CLMN: variants seen among roughly 807,000 people sequenced by gnomAD.
CLMN encodes the protein calmin (calponin-like, transmembrane).
In CLMN, 57 loss-of-function variants were observed where a neutral mutation model predicts 92.7. That is an observed-to-expected ratio of 0.61 (90% CI 0.50 to 0.77). CLMN has a LOEUF of 0.77. Ranked by LOEUF, CLMN falls within the 30% of genes least tolerant of loss-of-function variation. CLMN has a pLI of 0.00. For missense variants in CLMN, 1,158 were observed against 1,237.5 expected, an observed-to-expected ratio of 0.94 and a Z score of 0.96; for synonymous variants, 466 against 470.6, an observed-to-expected ratio of 0.99 and a Z score of 0.13.
At chr14:95,245,761 T>C (rs1898537579) in intron 1 of CLMN, among the ~76,000 whole-genome samples, 1 of 150,460 alleles carries the variant, frequency 6.6e-6, no homozygotes, top group Non-Finnish European at 1.5e-5. Context: ...GATGGATGAA[T>C]GAATGAATGG....
At chr14:95,221,622 G>T in intron 4 of CLMN, 69 bp downstream of exon 4, 1 of 1,396,408 alleles carries the variant, frequency 7.2e-7, no homozygotes, top group Non-Finnish European at 1.0e-6. Flanking sequence ...GACCAGCACT[G>T]AACTTCAAAT....
chr14:95,292,428 T>TCC (rs1263766978), intron 1 of CLMN, among the ~76,000 whole-genome samples: 6 of 74,054 alleles, frequency 8.1e-5, no homozygotes, highest in African/African-American at 1.0e-4. Context: ...CCCCCAAGGG[T>TCC]CCCCCACCCC....
chr14:95,219,681 C>T (rs561168680), intron 4 of CLMN, among the ~76,000 whole-genome samples: 4 of 152,310 alleles, frequency 2.6e-5, no homozygotes, highest in East Asian at 1.9e-4. Flanking sequence ...AACAGTCCTC[C>T]GTACTCCAGG....
At chr14:95,216,478 G>C (rs1266002219) in intron 4 of CLMN, among the ~76,000 whole-genome samples, 1 of 152,158 alleles carries the variant, frequency 6.6e-6, no homozygotes, top group Non-Finnish European at 1.5e-5. Flanking sequence ...AGCTGGTAAG[G>C]CTTCAGTCAT....
intron 1 of CLMN, among the ~76,000 whole-genome samples, chr14:95,236,973 G>T (rs1320116788): frequency 6.6e-6 from 1 of 152,200 alleles, no homozygotes; most frequent in East Asian, 1.9e-4. Context: ...AGGAAGAACA[G>T]CTATGACGAG....
At chr14:95,213,095 G>A (rs1235750882) in intron 6 of CLMN, 124 bp downstream of exon 6, 1 of 1,089,548 alleles carries the variant, frequency 9.2e-7, no homozygotes, top group African/African-American at 1.6e-5. Context: ...CCCCTGTTCT[G>A]ATATTCTATA....
Position 95,193,434 on chromosome 14 carries a change from A to G in CLMN, c.2840+415T>C, listed in dbSNP as rs1896610630. 24 of 1,470,160 alleles carry G rather than the reference A, an allele frequency of 1.6e-5. No individual in the cohort carries two copies. In the South Asian group the frequency reaches 2.9e-4, roughly 18 times the overall value. The allele number at this position is 1,470,160 out of a possible 1,614,324, so 91.1% of individuals were successfully genotyped here. ...ACTGTACCTGCAGTGGCAACAGAGA[A>G]TGGACAGGCGTCAGGGGCTACAGCA... On this transcript the variant is annotated intron_variant, in intron 12 of 12. Transcript: ENST00000298912.
At chr14:95,258,045 G>C (rs952972010) in intron 1 of CLMN, among the ~76,000 whole-genome samples, 3 of 151,906 alleles carry the variant, frequency 2.0e-5, no homozygotes, top group African/African-American at 7.3e-5. Flanking sequence ...GTGCGAGTGT[G>C]CAGAATAGGT....
intron 1 of CLMN, among the ~76,000 whole-genome samples, chr14:95,274,109 T>C (rs567998191): frequency 1.6e-4 from 25 of 152,320 alleles, no homozygotes; most frequent in African/African-American, 6.0e-4. Context: ...GATTTCTATA[T>C]TTCTCAGCTA....
At chr14:95,310,940 G>GCCC (rs1901509751) in intron 1 of CLMN, among the ~76,000 whole-genome samples, 1 of 152,248 alleles carries the variant, frequency 6.6e-6, no homozygotes, top group Admixed American at 6.5e-5. Flanking sequence ...GGGGCAAAGA[G>GCCC]CCCTGGTGGA....
At chr14:95,235,018 C>G (rs1330428668) in intron 1 of CLMN, among the ~76,000 whole-genome samples, 1 of 152,128 alleles carries the variant, frequency 6.6e-6, no homozygotes, top group Admixed American at 6.5e-5. Context: ...AAATTATAAG[C>G]TCATTGTAAA....
intron 1 of CLMN, among the ~76,000 whole-genome samples, chr14:95,316,989 T>TACATTG (rs965514217): frequency 6.6e-6 from 1 of 152,228 alleles, no homozygotes; most frequent in African/African-American, 2.4e-5. Context: ...ATCTGTGCTG[T>TACATTG]AAGCAGGCAC....
chr14:95,301,540 G>A (rs969936074), intron 1 of CLMN, among the ~76,000 whole-genome samples: 2 of 152,344 alleles, frequency 1.3e-5, no homozygotes, highest in African/African-American at 2.4e-5. Flanking sequence ...TCCACAGGGT[G>A]AAATGGCTGC....
intron 1 of CLMN, among the ~76,000 whole-genome samples, chr14:95,269,880 C>T (rs910603569): frequency 6.6e-6 from 1 of 152,212 alleles, no homozygotes; most frequent in Non-Finnish European, 1.5e-5. Flanking sequence ...TCCTCCCCCA[C>T]CCCAATCCAC....
chr14:95,241,183 C>T lies in CLMN; in HGVS notation c.83-11050G>A, dbSNP rs534982239. Among the ~76,000 whole-genome samples the T allele has an allele frequency of 6.6e-5, 10 of 151,992 alleles. No homozygotes were observed. The South Asian group carries it at 1.9e-3, about 28-fold the overall frequency. On this transcript the variant is annotated intron_variant, in intron 1 of 12. Transcript: ENST00000298912. ...ACCCCACACTCACCCTGTAAACATCCGTGTTTTTAAGTGCATGGAAAGGCC... is the reference window on the plus strand; with the variant it reads ...ACCCCACACTCACCCTGTAAACATCTGTGTTTTTAAGTGCATGGAAAGGCC...
In CLMN at chr14:95,251,425, C is replaced by T. The variant is rs76302299; in HGVS notation, c.83-21292G>A. Reference sequence around the variant, plus strand: ...AAAACACATTTGTTCCCTACTTGTCCGATTCTGAATGTCTTCGATTGTATA... The same window carrying T: ...AAAACACATTTGTTCCCTACTTGTCTGATTCTGAATGTCTTCGATTGTATA... On this transcript the variant is annotated intron_variant, in intron 1 of 12. Transcript: ENST00000298912. 4.9e-4 allele frequency among the ~76,000 whole-genome samples: 75 copies of T among 152,258 alleles called. No individual in the cohort carries two copies. The East Asian group carries it at 0.01, about 21-fold the overall frequency.
At chr14:95,309,754 C>A (rs1341085380) in intron 1 of CLMN, among the ~76,000 whole-genome samples, 1 of 152,004 alleles carries the variant, frequency 6.6e-6, no homozygotes, top group Non-Finnish European at 1.5e-5. Flanking sequence ...GAGAAACCTA[C>A]AGGGCAGTCC....
At position 95,204,551 on chromosome 14, in the gene CLMN, A is replaced by G. The variant is rs1295558540; in HGVS notation, c.886-88T>C. 4.9e-6 allele frequency: 6 copies of G among 1,230,462 alleles called. No homozygotes were observed. In the African/African-American group the frequency reaches 7.6e-5, roughly 16 times the overall value. The allele number at this position is 1,230,462 out of a possible 1,614,324, so 76.2% of individuals were successfully genotyped here. A position where few individuals can be genotyped will look rare whatever the true frequency, so the allele number is the denominator to read the frequency against. ...ACAGAGCAACATGAGTAAGAAGAAT[A>G]TTTAAGTACAACCCATATCCACCTT... On this transcript the variant is annotated intron_variant, in intron 8 of 12. Coordinates refer to ENST00000298912, the MANE Select transcript of CLMN (RefSeq NM_024734.4).
chr14:95,203,964 T>G lies in CLMN; in HGVS notation c.1385A>C (p.His462Pro). ...VAKESLRQDG[H>P]VLAVEVAEEK... Reference sequence around the variant, plus strand: ...CTCAGCAACCTCAACTGCCAAGACATGTCCATCCTGCCTCAATGATTCCTT... The same window carrying G: ...CTCAGCAACCTCAACTGCCAAGACAGGTCCATCCTGCCTCAATGATTCCTT... Residue 462 changes from histidine to proline, a missense_variant, in exon 9 of 13, where the codon CAT becomes CCT. By Grantham distance (77) the His-to-Pro change is moderately conservative. Coordinates refer to ENST00000298912, the MANE Select transcript of CLMN (RefSeq NM_024734.4). The G allele has an allele frequency of 6.2e-7, 1 of 1,614,178 alleles. No individual in the cohort carries two copies.
Sources: allele counts gnomAD v4.1 joint callset (sites outside exome capture counted in the v4.1 genomes callset), GRCh38; gene constraint gnomAD v4.1.1; transcripts MANE v1.5; gene names NCBI Gene and HGNC (gene_info 2026-07-23, HGNC 2026-07-21).